Variants in EYS observed in about 807,000 individuals in gnomAD.
EYS encodes the protein protein eyes shut homolog.
Under a neutral mutation model 282.1 loss-of-function variants are expected in EYS, and 250 were observed. The observed-to-expected ratio is 0.89, with a 90% CI of 0.80 to 0.98. The LOEUF (loss-of-function observed/expected upper bound fraction) is 0.98. Among genes scored for constraint, EYS ranks in the 50% least tolerant of loss-of-function variants. The probability of loss-of-function intolerance (pLI) is 0.00; values close to 1 mark genes in which losing one functional copy is unlikely to be tolerated. For synonymous variants in EYS, 1,355 were observed against 1,282.9 expected (o/e 1.06, Z -1.20); for missense variants, 4,016 against 3,709.0 (o/e 1.08, Z -2.15).
intron 35 of EYS, among the ~76,000 whole-genome samples, chr6:63,950,905 C>T (rs142803523): frequency 4.1e-4 from 62 of 151,930 alleles, no homozygotes; most frequent in Middle Eastern, 3.4e-3. Flanking sequence ...CCCAAAACTC[C>T]GGCGCCTGTC....
chr6:64,964,468 A>G (rs1330569357), intron 14 of EYS, among the ~76,000 whole-genome samples: 2 of 152,108 alleles, frequency 1.3e-5, no homozygotes, highest in Non-Finnish European at 2.9e-5. Flanking sequence ...CATATGTTAA[A>G]TTACATTTTT....
chr6:64,152,375 T>C (rs1774772572), intron 31 of EYS, among the ~76,000 whole-genome samples: 1 of 152,208 alleles, frequency 6.6e-6, no homozygotes, highest in African/African-American at 2.4e-5. Context: ...AAGCTATGAA[T>C]AGGTCACATA....
intron 2 of EYS, among the ~76,000 whole-genome samples, chr6:65,546,016 T>A (rs992469216): frequency 2.0e-5 from 3 of 148,466 alleles, no homozygotes; most frequent in African/African-American, 7.5e-5. Flanking sequence ...ATATTTTAAC[T>A]TTTTTTTGTT....
At chr6:64,981,944 A>G (rs1770682932) in intron 14 of EYS, among the ~76,000 whole-genome samples, 1 of 151,322 alleles carries the variant, frequency 6.6e-6, no homozygotes, top group South Asian at 2.1e-4. Flanking sequence ...CAGTAATATG[A>G]AAGTACCTCA....
At chr6:65,297,607 G>A (rs1005762383) in intron 11 of EYS, among the ~76,000 whole-genome samples, 2 of 151,908 alleles carry the variant, frequency 1.3e-5, no homozygotes, top group Non-Finnish European at 2.9e-5. Flanking sequence ...AAATATATTT[G>A]TGCCTGTTTT....
At chr6:64,799,161 C>A (rs556092443) in intron 22 of EYS, among the ~76,000 whole-genome samples, 1 of 152,034 alleles carries the variant, frequency 6.6e-6, no homozygotes, top group East Asian at 1.9e-4. Flanking sequence ...AAGTCTCCAT[C>A]CTACCCCACA....
At chr6:63,948,932 T>C (rs1765482014) in intron 35 of EYS, among the ~76,000 whole-genome samples, 3 of 152,186 alleles carry the variant, frequency 2.0e-5, no homozygotes, top group African/African-American at 7.2e-5. Context: ...TCTTCTACTT[T>C]GTGTCATGTG....
At chr6:63,833,941 C>G (rs1771723432) in intron 36 of EYS, among the ~76,000 whole-genome samples, 1 of 152,074 alleles carries the variant, frequency 6.6e-6, no homozygotes, top group Non-Finnish European at 1.5e-5. Flanking sequence ...ACAAATCTGA[C>G]AAAAACAAGC....
At chr6:65,660,652 T>C (rs1304308156) in intron 1 of EYS, among the ~76,000 whole-genome samples, 1 of 151,736 alleles carries the variant, frequency 6.6e-6, no homozygotes, top group African/African-American at 2.4e-5. Flanking sequence ...CACGCAATTA[T>C]ATATTTTTAG....
intron 29 of EYS, among the ~76,000 whole-genome samples, chr6:64,370,298 A>G (rs906194100): frequency 6.6e-6 from 1 of 151,544 alleles, no homozygotes; most frequent in African/African-American, 2.4e-5. Flanking sequence ...GTTATTTTTA[A>G]TTCTGTTTAT....
chr6:64,588,311 C>T (rs900516080), intron 26 of EYS, among the ~76,000 whole-genome samples: 8 of 152,060 alleles, frequency 5.3e-5, no homozygotes, highest in South Asian at 2.1e-4. Context: ...ATGTAGGACT[C>T]TAATACATCA....
Position 64,656,103 on chromosome 6 carries a change from G to T in EYS, c.3444-29858C>A, listed in dbSNP as rs867827984. ...TGTCAATTACCTATTATGTTATGAG[G>T]TATTGTAGGTTTCATACAGTGATGA... On this transcript the variant is annotated intron_variant, in intron 22 of 42. Transcript: ENST00000503581. 5.9e-5 allele frequency among the ~76,000 whole-genome samples: 9 copies of T among 152,130 alleles called. No homozygotes were observed. In the South Asian group the frequency reaches 1.9e-3, roughly 32 times the overall value.
chr6:64,680,670 T>C (rs940750295), intron 22 of EYS, among the ~76,000 whole-genome samples: 2 of 152,170 alleles, frequency 1.3e-5, no homozygotes, highest in African/African-American at 4.8e-5. Context: ...CCCCAACTCA[T>C]AGGGCAGAAT....
intron 35 of EYS, among the ~76,000 whole-genome samples, chr6:63,870,361 G>A (rs1230230676): frequency 2.6e-5 from 4 of 152,116 alleles, no homozygotes; most frequent in Non-Finnish European, 5.9e-5. Flanking sequence ...AGCACACAAC[G>A]TCGATGGTTG....
chr6:65,297,234 G>T (rs1334994209), intron 11 of EYS, among the ~76,000 whole-genome samples: 1 of 151,632 alleles, frequency 6.6e-6, no homozygotes, highest in East Asian at 1.9e-4. Flanking sequence ...TGATTTTCAA[G>T]AATTCTTTAC....
intron 26 of EYS, among the ~76,000 whole-genome samples, chr6:64,544,227 G>A (rs952222854): frequency 1.3e-5 from 2 of 152,150 alleles, no homozygotes; most frequent in Non-Finnish European, 2.9e-5. Context: ...CACTCGCTAA[G>A]AGAATACAAT....
intron 26 of EYS, among the ~76,000 whole-genome samples, chr6:64,557,290 G>A (rs1428993905): frequency 1.3e-5 from 2 of 151,442 alleles, no homozygotes; most frequent in Non-Finnish European, 3.0e-5. Flanking sequence ...CTCAGGATGA[G>A]TTTAGGAAAG....
At chr6:65,202,166 T>C (rs1190255903) in intron 12 of EYS, among the ~76,000 whole-genome samples, 3 of 151,938 alleles carry the variant, frequency 2.0e-5, no homozygotes, top group Non-Finnish European at 2.9e-5. Flanking sequence ...ATATATAATC[T>C]CTGATGAATA....
chr6:63,905,424 G>A (rs1162889856), intron 35 of EYS, among the ~76,000 whole-genome samples: 1 of 149,574 alleles, frequency 6.7e-6, no homozygotes, highest in African/African-American at 2.5e-5. Flanking sequence ...CTGCCTCCCA[G>A]GTTCACGCCA....
Sources: allele counts gnomAD v4.1 joint callset (sites outside exome capture counted in the v4.1 genomes callset), GRCh38; gene constraint gnomAD v4.1.1; transcripts MANE v1.5; gene names NCBI Gene and HGNC (gene_info 2026-07-23, HGNC 2026-07-21).